The following NAPG variants were observed in gnomAD, a reference collection of about 807,000 sequenced individuals.
NAPG encodes the protein gamma-soluble NSF attachment protein.
NAPG carries 25 observed loss-of-function variants against 48.4 expected under a neutral mutation model. The observed-to-expected ratio is 0.52, with a 90% confidence interval of 0.38 to 0.72. The LOEUF is 0.72. Among genes scored for constraint, NAPG ranks in the 30% least tolerant of loss-of-function variants. The pLI is 0.00. For synonymous variants in NAPG, 139 were observed against 127.2 expected (o/e 1.09, Z -0.62); for missense variants, 359 against 372.5 (o/e 0.96, Z 0.30).
intron 1 of NAPG, 69 bp downstream of exon 1, chr18:10,526,227 AC>A: frequency 2.1e-6 from 1 of 479,236 alleles, no homozygotes; most frequent in Non-Finnish European, 3.9e-6. Context: ...CGGCCTTAGC[AC>A]CCGGGGGGGG....
At position 10,539,852 on chromosome 18, in the gene NAPG, G is replaced by T; in HGVS notation, c.349G>T (p.Ala117Ser). ...CGGCACCCCAGACACAGCAGCCATGGCTTTGGAGCGAGCTGGAAAGTGAGT... is the reference window on the plus strand; with the variant it reads ...CGGCACCCCAGACACAGCAGCCATGTCTTTGGAGCGAGCTGGAAAGTGAGT... ...ENGTPDTAAMALERAGKLIEN... is the reference protein window; with the variant it reads ...ENGTPDTAAMSLERAGKLIEN... The change falls in exon 6 of 12, where the codon GCT (alanine) becomes TCT (serine). Residue 117 changes from alanine to serine, a missense_variant. Physicochemically the swap from Ala to Ser is moderately conservative, Grantham distance 99. Transcript: ENST00000322897. This position sits in a 1 kb window ranked among gnomAD's most constrained non-coding sequence, Gnocchi z 4.7. 1 of 1,613,968 alleles carries T rather than the reference G, an allele frequency of 6.2e-7. No individual in the cohort carries two copies. Among genetic ancestry groups the T allele is most frequent in the Non-Finnish European group, 8.5e-7 (1 of 1,179,868 alleles).
At chr18:10,529,738 G>A (rs2031890321) in intron 1 of NAPG, among the ~76,000 whole-genome samples, 1 of 152,152 alleles carries the variant, frequency 6.6e-6, no homozygotes, top group Admixed American at 6.5e-5. Context: ...GGGTGACAGA[G>A]CGAGACCCTA....
rs2032200398 is a variant in NAPG at position 10,543,535 on chromosome 18, T to G, written c.507-2791T>G. 6.6e-6 allele frequency among the ~76,000 whole-genome samples: 1 copy of G among 152,214 alleles called. No homozygotes were observed. Among genetic ancestry groups the G allele is most frequent in the South Asian group, 2.1e-4 (1 of 4,828 alleles). ...ATAAACTAAACATTTCTGTAGGTAG[T>G]TAAAAATAGGTTTTGGAGTTCAGGA... On this transcript the variant is annotated intron_variant, in intron 8 of 11. Transcript: ENST00000322897. This position sits in a 1 kb window ranked among gnomAD's most constrained non-coding sequence, Gnocchi z 4.4.
chr18:10,545,901 A>G (rs967902736), intron 8 of NAPG, among the ~76,000 whole-genome samples: 18 of 152,178 alleles, frequency 1.2e-4, no homozygotes, highest in African/African-American at 4.3e-4. Context: ...GCAGCGGAGT[A>G]TGTGATGGAG....
intron 8 of NAPG, chr18:10,540,699 A>G (rs1408279719): frequency 2.0e-5 from 5 of 248,030 alleles, no homozygotes; most frequent in Non-Finnish European, 3.8e-5. Context: ...TGGTTGGATT[A>G]TAATATCTCT....
chr18:10,531,872 T>C (rs1354243328), intron 2 of NAPG, among the ~76,000 whole-genome samples: 3 of 152,204 alleles, frequency 2.0e-5, no homozygotes, highest in African/African-American at 7.2e-5. Context: ...TTTGTTTATT[T>C]TCTTTAAGGG....
chr18:10,532,077 A>G (rs2031938368), intron 2 of NAPG, among the ~76,000 whole-genome samples: 1 of 152,148 alleles, frequency 6.6e-6, no homozygotes, highest in Non-Finnish European at 1.5e-5. Context: ...AAGTTTTCCA[A>G]AATTTGTAAG....
At chr18:10,533,644 A>T in intron 4 of NAPG, 91 bp downstream of exon 4, 1 of 1,087,276 alleles carries the variant, frequency 9.2e-7, no homozygotes, top group Non-Finnish European at 1.3e-6. Flanking sequence ...CCAAATTATA[A>T]ATTTTGTATT....
At chr18:10,528,030 A>C (rs994311357) in intron 1 of NAPG, among the ~76,000 whole-genome samples, 1 of 152,104 alleles carries the variant, frequency 6.6e-6, no homozygotes, top group Non-Finnish European at 1.5e-5. Context: ...TACTAAAAAT[A>C]CAAAAATTAG....
Position 10,539,696 on chromosome 18 carries a change from T to G in NAPG, c.259-66T>G. 1 of 1,239,164 alleles carries G rather than the reference T, an allele frequency of 8.1e-7. No homozygotes were observed. Among genetic ancestry groups the G allele is most frequent in the Non-Finnish European group, 1.2e-6 (1 of 850,986 alleles). 76.8% of individuals were successfully genotyped at this position (1,239,164 alleles called of 1,614,324 possible). A position where few individuals can be genotyped will look rare whatever the true frequency, so the allele number is the denominator to read the frequency against. On this transcript the variant is annotated intron_variant, in intron 5 of 11. Coordinates refer to ENST00000322897, the MANE Select transcript of NAPG (RefSeq NM_003826.3). The surrounding 1 kb of genome is among the most constrained non-coding windows in gnomAD (Gnocchi z 4.7). The stretch of plus-strand genomic sequence containing the variant: ...AAATAAAAAATAATTGCATTTCAGA[T>G]TGTTAACTCTGTTTTTCTTTAATTG...
At chr18:10,540,527 T>G (rs1284883832) in intron 8 of NAPG, 128 bp downstream of exon 8, 2 of 636,628 alleles carry the variant, frequency 3.1e-6, no homozygotes, top group Non-Finnish European at 5.4e-6. Context: ...GGCCACACAA[T>G]AGAATATTAA....
rs919320821 is a variant in NAPG at position 10,551,117 on chromosome 18, T to G, written c.*897T>G. 1.3e-5 allele frequency: 2 copies of G among 151,988 alleles called. No homozygotes were observed. The highest frequency in any genetic ancestry group is 4.8e-5 in the African/African-American group (2 of 41,378). The allele number at this position is 151,988 out of a possible 1,614,324, so 9.4% of individuals were successfully genotyped here. On this transcript the variant is annotated 3_prime_UTR_variant, in exon 12 of 12. Transcript: ENST00000322897. Reference sequence around the variant, plus strand: ...TTTGTAATTTTTTTTTTATTTTTTTTGTTGAGATGGAGTTGCTCCATGTTG... The same window carrying G: ...TTTGTAATTTTTTTTTTATTTTTTTGGTTGAGATGGAGTTGCTCCATGTTG...
rs531906149 is a variant in NAPG at position 10,540,594 on chromosome 18, A to G, written c.506+195A>G. On this transcript the variant is annotated intron_variant, in intron 8 of 11. Coordinates refer to ENST00000322897, the MANE Select transcript of NAPG (RefSeq NM_003826.3). ...ATATTAAAAGATCTGCTGTTTTTTG[A>G]AAGTGTAATGCCCAAATTTATCATG... is the stretch of plus-strand genomic sequence containing the variant. The G allele has an allele frequency of 1.3e-4, 61 of 459,532 alleles. No individual in the cohort carries two copies. In the East Asian group the frequency reaches 1.8e-3, roughly 14 times the overall value. 28.5% of individuals were successfully genotyped at this position (459,532 alleles called of 1,614,324 possible). A position where few individuals can be genotyped will look rare whatever the true frequency, so the allele number is the denominator to read the frequency against.
Position 10,548,841 on chromosome 18 carries a change from C to T in NAPG, c.666-126C>T. 8.3e-7 allele frequency: 1 copy of T among 1,204,370 alleles called. No homozygotes were observed. Among genetic ancestry groups the T allele is most frequent in the Non-Finnish European group, 1.1e-6 (1 of 875,176 alleles). 74.6% of individuals were successfully genotyped at this position (1,204,370 alleles called of 1,614,324 possible). A position where few individuals can be genotyped will look rare whatever the true frequency, so the allele number is the denominator to read the frequency against. Reference sequence around the variant, plus strand: ...GTCTCTGCCCTCTAGATGCCACTAGCATTCCCACACTTTTAAGTACCAAAA... The same window carrying T: ...GTCTCTGCCCTCTAGATGCCACTAGTATTCCCACACTTTTAAGTACCAAAA... On this transcript the variant is annotated intron_variant, in intron 10 of 11. Transcript: ENST00000322897. This position sits in a 1 kb window ranked among gnomAD's most constrained non-coding sequence, Gnocchi z 4.4.
intron 2 of NAPG, among the ~76,000 whole-genome samples, chr18:10,531,285 T>A (rs2031923197): frequency 1.3e-5 from 2 of 152,228 alleles, no homozygotes; most frequent in Admixed American, 1.3e-4. Flanking sequence ...AACCTCACTT[T>A]GAGTGTATCT....
At chr18:10,527,758 TAGTGTAGTCACAGTGCC>T (rs2031848896) in intron 1 of NAPG, among the ~76,000 whole-genome samples, 1 of 152,160 alleles carries the variant, frequency 6.6e-6, no homozygotes, top group Non-Finnish European at 1.5e-5. Flanking sequence ...ACAGTGAATG[TAGTGTAGTCACAGTGCC>T]AGGGGACGAG....
chr18:10,528,042 C>A (rs693679), intron 1 of NAPG, among the ~76,000 whole-genome samples: 1 of 151,834 alleles, frequency 6.6e-6, no homozygotes, highest in Non-Finnish European at 1.5e-5. Context: ...AAAAATTAGC[C>A]GGCTGTGGTG....
intron 1 of NAPG, 65 bp from the exon 2 acceptor site, chr18:10,530,705 C>G: frequency 3.7e-6 from 3 of 801,214 alleles, no homozygotes; most frequent in Admixed American, 4.0e-5. Flanking sequence ...AAGGTCATTA[C>G]AAGCAGAGAT....
rs771086258 is a variant in NAPG at position 10,543,461 on chromosome 18, G to C, written c.507-2865G>C. On this transcript the variant is annotated intron_variant, in intron 8 of 11. Coordinates refer to ENST00000322897, the MANE Select transcript of NAPG (RefSeq NM_003826.3). The surrounding 1 kb of genome is among the most constrained non-coding windows in gnomAD (Gnocchi z 4.4). ...ATCAATAACTGAGATAAGGAATATA[G>C]AAACAAACTTATCAGTGATGATAAT... Among the ~76,000 whole-genome samples the C allele has an allele frequency of 1.8e-4, 28 of 152,150 alleles. No individual in the cohort carries two copies. The highest frequency in any genetic ancestry group is 3.8e-4 in the Non-Finnish European group (26 of 68,026).
Sources: gnomAD v4.1 joint callset for allele counts (sites outside exome capture counted in the v4.1 genomes callset) on GRCh38, gnomAD v4.1.1 for gene constraint, Gnocchi (gnomAD v3.1) non-coding constraint, MANE v1.5 for transcripts, NCBI Gene and HGNC (gene_info 2026-07-23, HGNC 2026-07-21) for gene names.